MTHFD1: variants seen among roughly 807,000 people sequenced by gnomAD.
The protein encoded by MTHFD1 is methylenetetrahydrofolate dehydrogenase, cyclohydrolase and formyltetrahydrofolate synthetase 1.
In MTHFD1, 44 loss-of-function variants were observed where a neutral mutation model predicts 110.3. The observed-to-expected ratio is 0.40, with a 90% confidence interval of 0.31 to 0.51. The LOEUF is 0.51. Ranked by LOEUF, MTHFD1 falls within the 20% of genes least tolerant of loss-of-function variation. The pLI, the probability that MTHFD1 is intolerant of heterozygous loss-of-function variation, is 0.60. For missense variants in MTHFD1, 909 were observed against 1,173.1 expected (o/e 0.77, Z 3.29); for synonymous variants, 402 against 428.8 (o/e 0.94, Z 0.77).
At chr14:64,454,546 CTTT>C (rs59626407) in intron 25 of MTHFD1, among the ~76,000 whole-genome samples, 174 bp from the exon 26 acceptor site, 4 of 133,408 alleles carry the variant, frequency 3.0e-5, no homozygotes, top group Non-Finnish European at 3.3e-5. Flanking sequence ...CCCAACAGTT[CTTT>C]TTTTTTTTTT....
chr14:64,440,822 TGA>T (rs1193821095), intron 18 of MTHFD1: 1 of 226,478 alleles, frequency 4.4e-6, no homozygotes. Context: ...AGTCAGCAGC[TGA>T]GCTTGATTAA....
rs375167881 is a variant in MTHFD1 at position 64,449,197 on chromosome 14, C to A, written c.2280-248C>A. On this transcript the variant is annotated intron_variant, in intron 23 of 27. Transcript: ENST00000652337. ...ATTTACCATCTGAGTCTCATAACGT[C>A]CCAATGAAATAAGTGCTGTGATTAT... is the stretch of plus-strand genomic sequence containing the variant. 5 of 554,666 alleles carry A rather than the reference C, an allele frequency of 9.0e-6. No individual in the cohort carries two copies. In the South Asian group the frequency reaches 9.8e-5, roughly 11 times the overall value. 34.4% of individuals were successfully genotyped at this position (554,666 alleles called of 1,614,324 possible). A position where few individuals can be genotyped will look rare whatever the true frequency, so the allele number is the denominator to read the frequency against.
At chr14:64,452,124 C>T (rs1233407829) in intron 24 of MTHFD1, among the ~76,000 whole-genome samples, 1 of 152,068 alleles carries the variant, frequency 6.6e-6, no homozygotes, top group African/African-American at 2.4e-5. Flanking sequence ...GGTGAAACTC[C>T]GTCTCTACTA....
intron 24 of MTHFD1, among the ~76,000 whole-genome samples, chr14:64,452,789 G>T (rs2078395581): frequency 6.6e-6 from 1 of 152,202 alleles, no homozygotes; most frequent in Non-Finnish European, 1.5e-5. Context: ...GACATTGGTT[G>T]TCTTATTTCA....
At chr14:64,392,836 TA>T (rs2077817557) in intron 1 of MTHFD1, among the ~76,000 whole-genome samples, 1 of 152,212 alleles carries the variant, frequency 6.6e-6, no homozygotes, top group South Asian at 2.1e-4. Flanking sequence ...ACTCATTGAA[TA>T]AAAAAGTGAT....
At chr14:64,426,744 C>T (rs566706243) in intron 11 of MTHFD1, among the ~76,000 whole-genome samples, 53 of 152,332 alleles carry the variant, frequency 3.5e-4, no homozygotes, top group African/African-American at 1.3e-3. Context: ...GCTGGGATTA[C>T]AGGCGTGAGC....
rs770843682 is a variant in MTHFD1 at position 64,454,806 on chromosome 14, C to T, written c.2649C>T (p.Gly883=). The part of the protein sequence containing the change: ...HNPEQKGVPT[G]FILPIRDIRA... ...CAGAGCAAAAAGGTGTCCCTACAGGCTTCATTCTGCCCATTCGCGACATCC... is the reference window on the plus strand; with the variant it reads ...CAGAGCAAAAAGGTGTCCCTACAGGTTTCATTCTGCCCATTCGCGACATCC... Residue 883 remains glycine, a synonymous_variant, in exon 26 of 28, where the codon GGC becomes GGT. Transcript: ENST00000652337. 2.5e-6 allele frequency: 4 copies of T among 1,614,066 alleles called. No individual in the cohort carries two copies. Among genetic ancestry groups the T allele is most frequent in the South Asian group, 1.1e-5 (1 of 91,080 alleles).
In MTHFD1 at chr14:64,439,118, C is replaced by G; in HGVS notation, c.1620C>G (p.Phe540Leu). The change falls in exon 17 of 28, where the codon TTC (phenylalanine) becomes TTG (leucine). Residue 540 changes from phenylalanine (F) to leucine (L), a missense_variant. This residue lies in a region of MTHFD1 where 482 missense variants were observed against 646.0 expected (regional missense o/e 0.75). Transcript: ENST00000652337. Reference protein sequence around the residue: ...WQRVLDTNDRFLRKITIGQAP... With the variant: ...WQRVLDTNDRLLRKITIGQAP... The stretch of plus-strand genomic sequence containing the variant: ...TAGTGTTGGATACCAATGATAGATT[C>G]CTGAGGAAGATCACGATTGGACAGG... 6.2e-7 allele frequency: 1 copy of G among 1,613,902 alleles called. No individual in the cohort carries two copies. The highest frequency in any genetic ancestry group is 8.5e-7 in the Non-Finnish European group (1 of 1,179,812).
At chr14:64,449,298 CG>C in intron 23 of MTHFD1, 146 bp from the exon 24 acceptor site, 1 of 864,944 alleles carries the variant, frequency 1.2e-6, no homozygotes, top group Non-Finnish European at 1.9e-6. Flanking sequence ...TAGTAAGTTT[CG>C]GAGCTGAGAT....
chr14:64,459,080 T>C (rs1002546137), intron 27 of MTHFD1, among the ~76,000 whole-genome samples: 2 of 152,198 alleles, frequency 1.3e-5, no homozygotes, highest in Non-Finnish European at 2.9e-5. Flanking sequence ...TGGAGGAGTG[T>C]CCTGTAAGGT....
At chr14:64,447,234 C>T (rs2078297705) in intron 22 of MTHFD1, among the ~76,000 whole-genome samples, 1 of 139,832 alleles carries the variant, frequency 7.2e-6, no homozygotes, top group Admixed American at 7.8e-5. Flanking sequence ...CAACTCACTG[C>T]AACCTCCGCC....
intron 2 of MTHFD1, among the ~76,000 whole-genome samples, chr14:64,410,472 T>A (rs1378825344): frequency 6.6e-6 from 1 of 151,922 alleles, no homozygotes; most frequent in Non-Finnish European, 1.5e-5. Context: ...ACGATCCTCC[T>A]CCCTTGGCCT....
chr14:64,427,322 G>T lies in MTHFD1; in HGVS notation c.1128-15G>T. The stretch of plus-strand genomic sequence containing the variant: ...AATTCTTTAAACCTTTTTCTCTTTT[G>T]CTTTCGTCTTGAAGAATAACTCCAA... On this transcript the variant is annotated splice_polypyrimidine_tract_variant and intron_variant, in intron 11 of 27. Transcript: ENST00000652337. The T allele has an allele frequency of 6.2e-7, 1 of 1,613,922 alleles. No individual in the cohort carries two copies. The highest frequency in any genetic ancestry group is 1.1e-5 in the South Asian group (1 of 91,074).
intron 22 of MTHFD1, chr14:64,447,951 C>T (rs539980126): frequency 4.0e-6 from 2 of 503,152 alleles, no homozygotes; most frequent in Middle Eastern, 5.6e-4. Flanking sequence ...TGACAGGAAA[C>T]ATACCAGCTC....
chr14:64,391,758 G>T (rs2077807389), intron 1 of MTHFD1, among the ~76,000 whole-genome samples: 2 of 152,264 alleles, frequency 1.3e-5, no homozygotes, highest in South Asian at 4.1e-4. Flanking sequence ...TGACAACCGG[G>T]GGAAGGTCTG....
At position 64,453,741 on chromosome 14, in the gene MTHFD1, T is replaced by C. The variant is rs2078417877; in HGVS notation, c.2458-13T>C. 6.6e-7 allele frequency: 1 copy of C among 1,519,138 alleles called. No homozygotes were observed. The highest frequency in any genetic ancestry group is 9.1e-7 in the Non-Finnish European group (1 of 1,094,638). 94.1% of individuals were successfully genotyped at this position (1,519,138 alleles called of 1,614,324 possible). On this transcript the variant is annotated splice_polypyrimidine_tract_variant and intron_variant, in intron 24 of 27. Coordinates refer to ENST00000652337, the MANE Select transcript of MTHFD1 (RefSeq NM_005956.4). ...TCCAGTCATGGTGTCCCCATCTCTTTCTTGTGCATTAGCTCCCAGTTGAGG... is the reference window on the plus strand; with the variant it reads ...TCCAGTCATGGTGTCCCCATCTCTTCCTTGTGCATTAGCTCCCAGTTGAGG...
At chr14:64,407,656 C>T (rs1306016981) in intron 2 of MTHFD1, among the ~76,000 whole-genome samples, 1 of 151,226 alleles carries the variant, frequency 6.6e-6, no homozygotes, top group Non-Finnish European at 1.5e-5. Flanking sequence ...CCAGGGGATC[C>T]TCCCACCTTA....
At chr14:64,399,643 C>T (rs1449928828) in intron 1 of MTHFD1, among the ~76,000 whole-genome samples, 7 of 115,130 alleles carry the variant, frequency 6.1e-5, no homozygotes, top group South Asian at 2.8e-4. Context: ...TGGGCAAAAG[C>T]GAGTCCCCAT....
At chr14:64,422,744 C>T (rs995274444) in intron 8 of MTHFD1, among the ~76,000 whole-genome samples, 1 of 152,016 alleles carries the variant, frequency 6.6e-6, no homozygotes, top group Non-Finnish European at 1.5e-5. Context: ...CATGTGATTT[C>T]CCAAAGAAAG....
Sources: gnomAD v4.1 joint callset for allele counts (sites outside exome capture counted in the v4.1 genomes callset) on GRCh38, gnomAD v4.1.1 for gene constraint, gnomAD v4.1.1 regional missense constraint, MANE v1.5 for transcripts, NCBI Gene and HGNC (gene_info 2026-07-23, HGNC 2026-07-21) for gene names.